PFKFB2: variants seen among roughly 807,000 people sequenced by gnomAD.
PFKFB2 encodes 6-phosphofructo-2-kinase/fructose-2,6-biphosphatase 2.
A neutral mutation model predicts 68.0 loss-of-function variants in PFKFB2; 53 were observed. The ratio of observed to expected loss-of-function variants is 0.78; its 90% CI spans 0.63 to 0.98. The LOEUF (loss-of-function observed/expected upper bound fraction) is 0.98, where lower values mean the gene tolerates loss of function less well. Ranked by LOEUF, PFKFB2 falls within the 50% of genes least tolerant of loss-of-function variation. The pLI is 0.00. For missense variants in PFKFB2, 451 were observed against 642.0 expected (o/e 0.70, Z 3.22); for synonymous variants, 222 against 227.6 (o/e 0.98, Z 0.22).
chr1:207,068,408 C>T, intron 10 of PFKFB2, 99 bp downstream of exon 10: 6 of 1,050,634 alleles, frequency 5.7e-6, no homozygotes, highest in Non-Finnish European at 7.8e-6. Context: ...GAAACTACAA[C>T]CAACAAGTAA....
At position 207,076,259 on chromosome 1, in the gene PFKFB2, T is replaced by G. The variant is rs184985494; in HGVS notation, c.*3888T>G. 1,186 of 979,500 alleles carry G rather than the reference T, an allele frequency of 1.2e-3. 9 individuals are homozygous for G. Among genetic ancestry groups the G allele is most frequent in the Middle Eastern group, 7.4e-3 (14 of 1,894 alleles). The allele number at this position is 979,500 out of a possible 1,614,324, so 60.7% of individuals were successfully genotyped here. A position where few individuals can be genotyped will look rare whatever the true frequency, so the allele number is the denominator to read the frequency against. On this transcript the variant is annotated 3_prime_UTR_variant, in exon 15 of 15. Transcript: ENST00000367080. ...CTATGTTACTTTTTTTTTCTTTTTT[T>G]TTTTTTTTTATGAGCAGGAGATCTT...
At chr1:207,050,480 C>T (rs1682711764), upstream of PFKFB2, among the ~76,000 whole-genome samples, 1 of 152,184 alleles carries the variant, frequency 6.6e-6, no homozygotes, top group Non-Finnish European at 1.5e-5. Flanking sequence ...GCTTTGGGTT[C>T]CCTTTCAACC....
chr1:207,049,882 T>G (rs1207101164), upstream of PFKFB2, among the ~76,000 whole-genome samples: 1 of 152,220 alleles, frequency 6.6e-6, no homozygotes, highest in Non-Finnish European at 1.5e-5. Context: ...GTAAGAATCT[T>G]TGTTCACTGA....
chr1:207,073,926 G>A lies in PFKFB2; in HGVS notation c.*1555G>A. 2 of 985,380 alleles carry A rather than the reference G, an allele frequency of 2.0e-6. No homozygotes were observed. The highest frequency in any genetic ancestry group is 2.4e-6 in the Non-Finnish European group (2 of 829,862). 61.0% of individuals were successfully genotyped at this position (985,380 alleles called of 1,614,324 possible). Reference sequence around the variant, plus strand: ...AAAGTTATCTGCTGGTCTTTTAGAGGTAACCAGTGAGAAGGAGTTAGCTAT... The same window carrying A: ...AAAGTTATCTGCTGGTCTTTTAGAGATAACCAGTGAGAAGGAGTTAGCTAT... On this transcript the variant is annotated 3_prime_UTR_variant, in exon 15 of 15. Coordinates refer to ENST00000367080, the MANE Select transcript of PFKFB2 (RefSeq NM_006212.2).
Position 207,068,268 on chromosome 1 carries a change from G to T in PFKFB2, c.946G>T (p.Val316Leu). Residue 316 changes from valine to leucine, a missense_variant, in exon 10 of 15, where the codon GTG (valine) becomes TTG (leucine). Physicochemically the swap from Val to Leu is conservative, Grantham distance 32. Coordinates refer to ENST00000367080, the MANE Select transcript of PFKFB2 (RefSeq NM_006212.2). ...CATACAGACTGCTGAATCTCTCGGGGTGCCCTATGAGCAGTGGAAGATTCT... is the reference window on the plus strand; with the variant it reads ...CATACAGACTGCTGAATCTCTCGGGTTGCCCTATGAGCAGTGGAAGATTCT... Reference protein sequence around the residue: ...RTIQTAESLGVPYEQWKILNE... With the variant: ...RTIQTAESLGLPYEQWKILNE... 6.2e-7 allele frequency: 1 copy of T among 1,610,672 alleles called. No homozygotes were observed. Among genetic ancestry groups the T allele is most frequent in the Non-Finnish European group, 8.5e-7 (1 of 1,178,248 alleles).
chr1:207,048,070 C>CG (rs1682640431), intron 2 of PFKFB2: 1 of 152,364 alleles, frequency 6.6e-6, no homozygotes, highest in African/African-American at 2.4e-5. Flanking sequence ...AAATTCCCCC[C>CG]GATAAACTTT....
At chr1:207,059,288 T>C (rs2102343479) in intron 2 of PFKFB2, among the ~76,000 whole-genome samples, 1 of 152,246 alleles carries the variant, frequency 6.6e-6, no homozygotes, top group East Asian at 1.9e-4. Context: ...GGGAGGGTAA[T>C]AGGACCTTCG....
chr1:207,071,289 G>C (rs1326972467), intron 13 of PFKFB2, 39 bp downstream of exon 13: 1 of 1,539,386 alleles, frequency 6.5e-7, no homozygotes, highest in Non-Finnish European at 9.0e-7. Context: ...GCTGGGAATT[G>C]AGGAAGGTCA....
chr1:207,070,146 T>C lies in PFKFB2; in HGVS notation c.1093-134T>C, dbSNP rs1683423675. On this transcript the variant is annotated intron_variant, in intron 11 of 14. Coordinates refer to ENST00000367080, the MANE Select transcript of PFKFB2 (RefSeq NM_006212.2). The surrounding 1 kb of genome is among the most constrained non-coding windows in gnomAD (Gnocchi z 4.2). ...GGCTGGGGGCAGTTAGCAGGTGATG[T>C]AAACTCACTGAGCCTCCAGGAGGAA... 2 of 983,730 alleles carry C rather than the reference T, an allele frequency of 2.0e-6. No individual in the cohort carries two copies. The highest frequency in any genetic ancestry group is 3.0e-6 in the Non-Finnish European group (2 of 663,976). The allele number at this position is 983,730 out of a possible 1,614,324, so 60.9% of individuals were successfully genotyped here.
chr1:207,055,776 T>C (rs551331531), intron 2 of PFKFB2, among the ~76,000 whole-genome samples: 1 of 152,180 alleles, frequency 6.6e-6, no homozygotes, highest in Non-Finnish European at 1.5e-5. Flanking sequence ...CTTGATGTCA[T>C]GCCCTTGTCA....
At chr1:207,045,157 C>T (rs1236314216) in intron 2 of PFKFB2, 1 of 152,436 alleles carries the variant, frequency 6.6e-6, no homozygotes, top group African/African-American at 2.4e-5. Context: ...ACTCAAAAAT[C>T]AGCTTCCTTA....
chr1:207,057,061 G>T (rs1234860631), intron 2 of PFKFB2, among the ~76,000 whole-genome samples: 1 of 152,086 alleles, frequency 6.6e-6, no homozygotes, highest in Non-Finnish European at 1.5e-5. Flanking sequence ...GAGCATTACT[G>T]GGACTTCAAC....
At chr1:207,052,851 C>T (rs1240835626), upstream of PFKFB2, 1 of 152,300 alleles carries the variant, frequency 6.6e-6, no homozygotes, top group East Asian at 1.9e-4. Context: ...GCAAAAACAT[C>T]TTTAAAGCTT....
chr1:207,068,750 CTTT>C (rs535759053), intron 10 of PFKFB2, among the ~76,000 whole-genome samples: 1 of 145,428 alleles, frequency 6.9e-6, no homozygotes. Context: ...ACATTTCTTT[CTTT>C]TTTTTTTTTT....
At chr1:207,061,179 A>ATATATATCTT (rs1683102234) in intron 2 of PFKFB2, among the ~76,000 whole-genome samples, 2 of 77,290 alleles carry the variant, frequency 2.6e-5, no homozygotes, top group African/African-American at 4.4e-5. Context: ...ATATATATAT[A>ATATATATCTT]TATATATATA....
chr1:207,073,585 A>C lies in PFKFB2; in HGVS notation c.*1214A>C. On this transcript the variant is annotated 3_prime_UTR_variant, in exon 15 of 15. Transcript: ENST00000367080. ...TGTGGAAAAGCTTGATGATGAATTT[A>C]ATCTCTCTCATTGGAGTATTCTTTT... The C allele has an allele frequency of 1.0e-6, 1 of 985,246 alleles. No homozygotes were observed. Among genetic ancestry groups the C allele is most frequent in the Non-Finnish European group, 1.2e-6 (1 of 829,728 alleles). 61.0% of individuals were successfully genotyped at this position (985,246 alleles called of 1,614,324 possible).
upstream of PFKFB2, among the ~76,000 whole-genome samples, chr1:207,050,438 C>A (rs1173606220): frequency 3.3e-5 from 5 of 152,130 alleles, no homozygotes; most frequent in Admixed American, 6.5e-5. Flanking sequence ...CAAAGCCGAC[C>A]AGAAAGCGGA....
chr1:207,049,199 C>T, upstream of PFKFB2: 1 of 1,614,020 alleles, frequency 6.2e-7, no homozygotes, highest in Middle Eastern at 1.6e-4. Flanking sequence ...ACAATATCAT[C>T]ATTAGAGGAG....
rs1683443201 is a variant in PFKFB2 at position 207,070,810 on chromosome 1, T to C, written c.1223-378T>C. On this transcript the variant is annotated intron_variant, in intron 12 of 14. Transcript: ENST00000367080. The surrounding 1 kb of genome is among the most constrained non-coding windows in gnomAD (Gnocchi z 4.2). Reference sequence around the variant, plus strand: ...CCGTTGCCTTCTTCCATACTTCGCTTCCCGATCTTCGGGAGCTCCTGGGAA... The same window carrying C: ...CCGTTGCCTTCTTCCATACTTCGCTCCCCGATCTTCGGGAGCTCCTGGGAA... 1 of 277,260 alleles carries C rather than the reference T, an allele frequency of 3.6e-6. No homozygotes were observed. The highest frequency in any genetic ancestry group is 6.9e-6 in the Non-Finnish European group (1 of 144,322). The allele number at this position is 277,260 out of a possible 1,614,324, so 17.2% of individuals were successfully genotyped here.
Sources: allele counts gnomAD v4.1 joint callset (sites outside exome capture counted in the v4.1 genomes callset), GRCh38; gene constraint gnomAD v4.1.1; non-coding constraint Gnocchi (gnomAD v3.1); transcripts MANE v1.5; gene names NCBI Gene and HGNC (gene_info 2026-07-23, HGNC 2026-07-21).